Variants in NREP observed in about 807,000 individuals in gnomAD.
NREP encodes neuronal regeneration-related protein.
In NREP, 5 loss-of-function variants were observed where a neutral mutation model predicts 8.6. The ratio of observed to expected loss-of-function variants is 0.58; its 90% CI spans 0.30 to 1.22. NREP has a LOEUF of 1.22. NREP is among the 50% of genes most tolerant of loss of function. NREP has a pLI of 0.07. For missense variants in NREP, 86 were observed against 82.5 expected, an observed-to-expected ratio of 1.04 and a Z score of -0.17; for synonymous variants, 27 against 28.0, an observed-to-expected ratio of 0.96 and a Z score of 0.11.
rs117351665 is a variant in NREP at position 111,910,694 on chromosome 5, C to T, written c.135+64580G>A. The stretch of plus-strand genomic sequence containing the variant: ...AGGAACTTGGCTTCTGAGACTGGAA[C>T]AAACTCAAAGCTCCCCCAGGACAGA... On this transcript the variant is annotated intron_variant, in intron 2 of 3. Coordinates refer to the NREP transcript ENST00000395634. Among the ~76,000 whole-genome samples, 122 of 152,132 alleles carry T rather than the reference C, an allele frequency of 8.0e-4. 1 individual carries two copies. In the East Asian group the frequency reaches 0.02, roughly 24 times the overall value.
At chr5:111,917,335 G>A (rs572287253) in intron 2 of NREP, among the ~76,000 whole-genome samples, 2 of 152,210 alleles carry the variant, frequency 1.3e-5, no homozygotes, top group South Asian at 4.2e-4. Flanking sequence ...TAGAAAAAGA[G>A]GGACTCCTCC....
chr5:111,735,238 A>G, intron 3 of NREP, 192 bp downstream of exon 3: 1 of 448,818 alleles, frequency 2.2e-6, no homozygotes, highest in South Asian at 4.1e-5. Flanking sequence ...AAGGAAGATA[A>G]TGTGAACTTT....
At chr5:111,776,582 G>A (rs1272203152) in intron 2 of NREP, among the ~76,000 whole-genome samples, 1 of 152,008 alleles carries the variant, frequency 6.6e-6, no homozygotes, top group Admixed American at 6.6e-5. Context: ...ATCAACAAGA[G>A]AATGAATAAA....
chr5:111,955,439 T>G (rs1756284995), intron 2 of NREP, among the ~76,000 whole-genome samples: 1 of 147,618 alleles, frequency 6.8e-6, no homozygotes, highest in Non-Finnish European at 1.5e-5. Flanking sequence ...ACAACAAATT[T>G]GGCCATAAAC....
intron 2 of NREP, among the ~76,000 whole-genome samples, chr5:111,864,885 G>A (rs536163116): frequency 1.2e-3 from 178 of 152,170 alleles, no homozygotes; most frequent in East Asian, 4.1e-3. Context: ...GTATTTTAGT[G>A]TATATAAATG....
intron 2 of NREP, among the ~76,000 whole-genome samples, chr5:111,884,310 G>T (rs1212415631): frequency 6.6e-6 from 1 of 151,540 alleles, no homozygotes; most frequent in African/African-American, 2.4e-5. Context: ...AATAACAGGA[G>T]CTGAAATTGT....
chr5:111,759,062 G>T (rs1465090558), upstream of NREP, among the ~76,000 whole-genome samples: 1 of 152,210 alleles, frequency 6.6e-6, no homozygotes, highest in Non-Finnish European at 1.5e-5. Context: ...ACCCTTTCAG[G>T]CCAGTTTACC....
chr5:111,922,154 G>A (rs1338495975), intron 2 of NREP, among the ~76,000 whole-genome samples: 1 of 152,148 alleles, frequency 6.6e-6, no homozygotes, highest in Non-Finnish European at 1.5e-5. Context: ...GTAGGACCAT[G>A]GGAAGGAGAG....
chr5:111,761,188 T>C (rs764877486), upstream of NREP, among the ~76,000 whole-genome samples: 11 of 152,224 alleles, frequency 7.2e-5, no homozygotes, highest in Non-Finnish European at 8.8e-5. Flanking sequence ...AAGTTAACAT[T>C]ACATATACAG....
intron 2 of NREP, among the ~76,000 whole-genome samples, chr5:111,829,305 T>C (rs1229563111): frequency 6.6e-6 from 1 of 152,154 alleles, no homozygotes; most frequent in Non-Finnish European, 1.5e-5. Context: ...ATTTGTATTT[T>C]GTAAATGGAA....
chr5:111,898,582 G>A, intron 2 of NREP, among the ~76,000 whole-genome samples: 1 of 152,154 alleles, frequency 6.6e-6, no homozygotes, highest in East Asian at 1.9e-4. Context: ...CCAGAGACAG[G>A]AATTTGGGGA....
intron 2 of NREP, among the ~76,000 whole-genome samples, chr5:111,958,319 C>T (rs893066367): frequency 4.6e-5 from 7 of 151,532 alleles, no homozygotes; most frequent in African/African-American, 1.7e-4. Flanking sequence ...AAAAATTGGA[C>T]ATAAATCCCA....
intron 2 of NREP, among the ~76,000 whole-genome samples, chr5:111,887,732 C>G (rs1198948689): frequency 6.6e-6 from 1 of 152,208 alleles, no homozygotes; most frequent in Non-Finnish European, 1.5e-5. Context: ...GAAACTCGAA[C>G]TTTAAAAAGT....
Position 111,832,478 on chromosome 5 carries a change from C to T in NREP, c.136-96971G>A, listed in dbSNP as rs532428899. Among the ~76,000 whole-genome samples the T allele has an allele frequency of 5.9e-5, 9 of 152,194 alleles. No individual in the cohort carries two copies. The East Asian group carries it at 1.2e-3, about 20-fold the overall frequency. On this transcript the variant is annotated intron_variant, in intron 2 of 3. Coordinates refer to the NREP transcript ENST00000395634. ...AAATCTGGGACGAGCTTGCAATGAG[C>T]GGACATAGCATCACTGCACTCCTGC...
At chr5:111,898,189 C>G in intron 2 of NREP, among the ~76,000 whole-genome samples, 1 of 151,940 alleles carries the variant, frequency 6.6e-6, no homozygotes, top group Non-Finnish European at 1.5e-5. Context: ...CTGGCTGTTA[C>G]GTTGAGAACA....
chr5:111,854,815 ACTG>A (rs1400967661), intron 2 of NREP, among the ~76,000 whole-genome samples: 1 of 152,094 alleles, frequency 6.6e-6, no homozygotes, highest in Non-Finnish European at 1.5e-5. Flanking sequence ...AGAAATAACC[ACTG>A]CTATTACTCT....
chr5:111,757,664 G>C (rs1581093636), upstream of NREP: 8 of 983,394 alleles, frequency 8.1e-6, no homozygotes, highest in Non-Finnish European at 9.6e-6. Flanking sequence ...TCGCCGCGCC[G>C]TCCCCACTGC....
At chr5:111,958,535 A>C (rs1015814682) in intron 2 of NREP, among the ~76,000 whole-genome samples, 5 of 151,966 alleles carry the variant, frequency 3.3e-5, no homozygotes, top group Admixed American at 6.5e-5. Context: ...TTTTACACTT[A>C]ATAGCCAATT....
At chr5:111,785,287 C>CT (rs1196303349) in intron 2 of NREP, among the ~76,000 whole-genome samples, 5 of 151,372 alleles carry the variant, frequency 3.3e-5, no homozygotes, top group South Asian at 2.1e-4. Context: ...AATGGCTATT[C>CT]TTTTTTTTTG....
Sources: allele counts gnomAD v4.1 joint callset (sites outside exome capture counted in the v4.1 genomes callset), GRCh38; gene constraint gnomAD v4.1.1; transcripts MANE v1.5; gene names NCBI Gene and HGNC (gene_info 2026-07-23, HGNC 2026-07-21).